Variants in SCML2 observed in about 807,000 individuals in gnomAD.
SCML2 encodes sex comb on midleg-like protein 2.
A neutral mutation model predicts 48.4 loss-of-function variants in SCML2; 6 were observed. That is an observed-to-expected ratio of 0.12 (90% confidence interval 0.07 to 0.24). The LOEUF (loss-of-function observed/expected upper bound fraction) is 0.24. Ranked by LOEUF, SCML2 falls within the 10% of genes least tolerant of loss-of-function variation. The probability of loss-of-function intolerance (pLI) is 1.00; values close to 1 mark genes in which losing one functional copy is unlikely to be tolerated. For missense variants in SCML2, 377 were observed against 528.2 expected (o/e 0.71, Z 2.81); for synonymous variants, 181 against 189.5 (o/e 0.95, Z 0.37).
intron 1 of SCML2, among the ~76,000 whole-genome samples, chrX:18,348,476 T>C (rs1367026459): frequency 8.1e-5 from 9 of 111,721 alleles, no homozygotes; most frequent in Non-Finnish European, 1.9e-5. Flanking sequence ...ATGAGGCAGG[T>C]GTCAGCAAAT....
chrX:18,338,654 T>C (rs1036892384), intron 1 of SCML2, among the ~76,000 whole-genome samples: 2 of 108,542 alleles, frequency 1.8e-5, no homozygotes, highest in African/African-American at 6.7e-5. Context: ...GGCTCACATC[T>C]ATAATTCCAG....
At chrX:18,283,756 ACTATAAACACTGC>A (rs1927947125) in intron 7 of SCML2, among the ~76,000 whole-genome samples, 4 of 111,983 alleles carry the variant, frequency 3.6e-5, no homozygotes, top group African/African-American at 1.3e-4. Flanking sequence ...TACAAGAAGA[ACTATAAACACTGC>A]AGAAAGAAAT....
intron 7 of SCML2, among the ~76,000 whole-genome samples, chrX:18,276,876 T>G (rs1240446697): frequency 9.0e-6 from 1 of 111,019 alleles, no homozygotes; most frequent in Non-Finnish European, 1.9e-5. Flanking sequence ...GGTTTTCTTT[T>G]AAGGTGATAA....
chrX:18,329,633 G>T (rs146500032), intron 3 of SCML2, among the ~76,000 whole-genome samples: 8 of 112,523 alleles, frequency 7.1e-5, no homozygotes, highest in African/African-American at 2.3e-4. Context: ...TACATGTACT[G>T]TTCATAATAA....
intron 7 of SCML2, among the ~76,000 whole-genome samples, chrX:18,297,436 C>T (rs1928431633): frequency 9.0e-6 from 1 of 111,650 alleles, no homozygotes; most frequent in African/African-American, 3.3e-5. Context: ...GCAAATTGTG[C>T]CTCGTGGGCT....
intron 7 of SCML2, among the ~76,000 whole-genome samples, chrX:18,278,259 C>T (rs1355749248): frequency 1.8e-5 from 2 of 112,016 alleles, no homozygotes; most frequent in Non-Finnish European, 3.8e-5. Context: ...AATGGATAGG[C>T]ACCACTGAAG....
At chrX:18,317,800 C>T (rs915651568) in intron 6 of SCML2, among the ~76,000 whole-genome samples, 8 of 98,984 alleles carry the variant, frequency 8.1e-5, no homozygotes, top group Non-Finnish European at 1.6e-4. Context: ...CGCCACTGCA[C>T]TCCAGCCTGG....
At chrX:18,277,639 A>G (rs1427227895) in intron 7 of SCML2, among the ~76,000 whole-genome samples, 1 of 111,803 alleles carries the variant, frequency 8.9e-6, no homozygotes, top group Middle Eastern at 4.2e-3. Flanking sequence ...GGAAAATGAA[A>G]AGAGATCTTT....
chrX:18,331,259 CAAAAAAAAAAAAA>C (rs35589774), intron 2 of SCML2, among the ~76,000 whole-genome samples: 115 of 16,262 alleles, frequency 7.1e-3, no homozygotes, highest in Non-Finnish European at 9.6e-3. Context: ...GACTCCGTCT[CAAAAAAAAAAAAA>C]AAAAAAAAAA....
chrX:18,316,030 G>A (rs1929110660), intron 6 of SCML2, among the ~76,000 whole-genome samples: 1 of 111,268 alleles, frequency 9.0e-6, no homozygotes, highest in Non-Finnish European at 1.9e-5. Context: ...ACCTCCAGAG[G>A]CCAAAATCAA....
At chrX:18,297,827 A>AAAAAC (rs1928447227) in intron 7 of SCML2, among the ~76,000 whole-genome samples, 1 of 110,891 alleles carries the variant, frequency 9.0e-6, no homozygotes, top group Non-Finnish European at 1.9e-5. Context: ...AAAAAACACA[A>AAAAAC]AAAACAAAAC....
At chrX:18,280,334 G>C (rs1317316928) in intron 7 of SCML2, among the ~76,000 whole-genome samples, 1 of 111,726 alleles carries the variant, frequency 9.0e-6, no homozygotes, top group Non-Finnish European at 1.9e-5. Flanking sequence ...ATTTCAACTA[G>C]ACCAGCCTTA....
chrX:18,310,763 T>C (rs1351004160), intron 6 of SCML2, among the ~76,000 whole-genome samples: 2 of 110,670 alleles, frequency 1.8e-5, no homozygotes, highest in East Asian at 5.7e-4. Context: ...TAACCTCCCT[T>C]CTTGATTACC....
intron 1 of SCML2, among the ~76,000 whole-genome samples, chrX:18,353,191 T>G (rs1371618936): frequency 9.0e-6 from 1 of 110,691 alleles, no homozygotes; most frequent in Non-Finnish European, 1.9e-5. Flanking sequence ...TTGGAAATAT[T>G]TTATTTAATG....
chrX:18,290,799 A>C (rs1385914655), intron 7 of SCML2, among the ~76,000 whole-genome samples: 2 of 111,425 alleles, frequency 1.8e-5, no homozygotes, highest in Non-Finnish European at 3.8e-5. Flanking sequence ...TTTTAAAAAA[A>C]TTTTTCACAT....
intron 6 of SCML2, among the ~76,000 whole-genome samples, chrX:18,306,311 G>A (rs1221319319): frequency 9.0e-6 from 1 of 110,983 alleles, no homozygotes; most frequent in African/African-American, 3.3e-5. Context: ...CCCAATCAGA[G>A]CTGGATTTTA....
intron 7 of SCML2, among the ~76,000 whole-genome samples, chrX:18,297,692 C>T (rs886527665): frequency 3.6e-5 from 4 of 111,059 alleles, no homozygotes; most frequent in African/African-American, 1.3e-4. Flanking sequence ...ATAATAACCA[C>T]ATAAGAAATA....
At chrX:18,300,766 G>A (rs1928559760) in intron 7 of SCML2, among the ~76,000 whole-genome samples, 3 of 107,815 alleles carry the variant, frequency 2.8e-5, no homozygotes, top group Non-Finnish European at 5.8e-5. Context: ...ACTCCAGCCT[G>A]GGCAATGGAG....
intron 7 of SCML2, among the ~76,000 whole-genome samples, chrX:18,298,322 C>CA (rs1240318001): frequency 1.8e-5 from 2 of 110,061 alleles, no homozygotes; most frequent in Admixed American, 9.6e-5. Flanking sequence ...TAATCCTGAG[C>CA]AAAAAAAAGA....
Sources: allele counts gnomAD v4.1 joint callset (sites outside exome capture counted in the v4.1 genomes callset), GRCh38; gene constraint gnomAD v4.1.1; transcripts MANE v1.5; gene names NCBI Gene and HGNC (gene_info 2026-07-23, HGNC 2026-07-21).